Variants in CNBD1 observed in about 807,000 individuals in gnomAD.
The protein encoded by CNBD1 is cyclic nucleotide-binding domain-containing protein 1.
In CNBD1, 71 loss-of-function variants were observed where a neutral mutation model predicts 54.4. That is an observed-to-expected ratio of 1.30 (90% CI 1.08 to 1.59). CNBD1 has a LOEUF of 1.59. Among genes scored for constraint, CNBD1 ranks in the 40% most tolerant of loss-of-function variants. The pLI is 0.00. For missense variants in CNBD1, 659 were observed against 518.0 expected (o/e 1.27, Z -2.64); for synonymous variants, 182 against 170.7 (o/e 1.07, Z -0.51).
intron 4 of CNBD1, among the ~76,000 whole-genome samples, chr8:87,073,512 T>C (rs1353718204): frequency 6.6e-6 from 1 of 152,164 alleles, no homozygotes; most frequent in African/African-American, 2.4e-5. Flanking sequence ...TGTTGTGTTG[T>C]TGTTGTTTTC....
In CNBD1 at chr8:87,112,378, C is replaced by T. The variant is rs145640625; in HGVS notation, c.432-93615C>T. Among the ~76,000 whole-genome samples, 192 of 152,252 alleles carry T rather than the reference C, an allele frequency of 1.3e-3. No individual in the cohort carries two copies. In the Middle Eastern group the frequency reaches 0.031, roughly 24 times the overall value. ...TGTGAGCATTGTCTAAGCTGTGAAT[C>T]CTGCCTTCTCTAATGTTCTGTAACT... On this transcript the variant is annotated intron_variant, in intron 4 of 10. Coordinates refer to ENST00000518476, the MANE Select transcript of CNBD1 (RefSeq NM_173538.3).
intron 8 of CNBD1, among the ~76,000 whole-genome samples, chr8:87,291,595 G>A (rs1007707481): frequency 3.3e-5 from 5 of 151,930 alleles, no homozygotes; most frequent in Admixed American, 1.3e-4. Context: ...TTTGGTCCGC[G>A]GTCTAAAGTT....
intron 4 of CNBD1, among the ~76,000 whole-genome samples, chr8:87,030,845 CCTCT>C (rs1333181956): frequency 1.8e-5 from 2 of 110,298 alleles, no homozygotes; most frequent in African/African-American, 7.8e-5. Flanking sequence ...TCCCCCCTCC[CCTCT>C]CCTCCCTCTC....
At chr8:87,316,640 A>G (rs981626852) in intron 8 of CNBD1, among the ~76,000 whole-genome samples, 1 of 151,944 alleles carries the variant, frequency 6.6e-6, no homozygotes, top group Non-Finnish European at 1.5e-5. Context: ...TGCAATAGGA[A>G]ACAAGTGGCC....
chr8:87,043,384 T>C (rs1224418308), intron 4 of CNBD1, among the ~76,000 whole-genome samples: 1 of 152,224 alleles, frequency 6.6e-6, no homozygotes, highest in African/African-American at 2.4e-5. Context: ...TTATTCACAA[T>C]AATTTTGGTT....
At chr8:87,005,439 T>C (rs571605908) in intron 4 of CNBD1, among the ~76,000 whole-genome samples, 2 of 152,214 alleles carry the variant, frequency 1.3e-5, no homozygotes, top group East Asian at 3.9e-4. Context: ...TGAAATAATT[T>C]AACTTAATAT....
At chr8:87,412,581 G>A (rs1807765574) in intron 2 of CNBD1, among the ~76,000 whole-genome samples, 1 of 151,982 alleles carries the variant, frequency 6.6e-6, no homozygotes, top group Admixed American at 6.6e-5. Context: ...AGAGAAATAG[G>A]AACTTCACTA....
At chr8:86,979,895 A>G (rs999948270) in intron 4 of CNBD1, among the ~76,000 whole-genome samples, 2 of 152,196 alleles carry the variant, frequency 1.3e-5, no homozygotes, top group Non-Finnish European at 2.9e-5. Context: ...GATCCTTTCA[A>G]TGTTGTTGAA....
chr8:86,981,178 C>T lies in CNBD1; in HGVS notation c.431+41424C>T, dbSNP rs142309601. On this transcript the variant is annotated intron_variant, in intron 4 of 10. Transcript: ENST00000518476. ...CTTTGTGTGTGTGTGTGTCTGTGTG[C>T]GTGCGCGCGCGCATTGTGTACTCAC... 6.1e-3 allele frequency among the ~76,000 whole-genome samples: 930 copies of T among 152,262 alleles called. 15 individuals are homozygous for T. Among genetic ancestry groups the T allele is most frequent in the African/African-American group, 0.021 (884 of 41,540 alleles).
chr8:87,222,789 A>G (rs969593756), intron 5 of CNBD1, among the ~76,000 whole-genome samples: 10 of 152,116 alleles, frequency 6.6e-5, no homozygotes, highest in Non-Finnish European at 1.5e-4. Flanking sequence ...TCTAACTAGT[A>G]TTTTTAATTC....
intron 1 of CNBD1, among the ~76,000 whole-genome samples, chr8:86,879,740 C>T (rs146530580): frequency 3.3e-5 from 5 of 152,020 alleles, no homozygotes; most frequent in African/African-American, 7.2e-5. Flanking sequence ...GACATGGTGG[C>T]GGGCGCCTGT....
At chr8:87,328,607 C>G (rs1809744397) in intron 8 of CNBD1, among the ~76,000 whole-genome samples, 1 of 151,816 alleles carries the variant, frequency 6.6e-6, no homozygotes, top group Non-Finnish European at 1.5e-5. Context: ...GATTCCATAT[C>G]AATTTTAGGA....
chr8:87,334,914 G>A (rs1032498649), intron 8 of CNBD1, among the ~76,000 whole-genome samples: 2 of 151,504 alleles, frequency 1.3e-5, no homozygotes, highest in South Asian at 2.1e-4. Flanking sequence ...TAGTAGAGAC[G>A]GGGTTTCCAC....
In CNBD1 at chr8:87,362,712, C is replaced by T. The variant is rs1366294189; in HGVS notation, c.1303+8926C>T. ...ACTCAGAAAAGACCAGGCAGCCATT[C>T]GAACCCTCTGTGAGTCCACGCTTAA... On this transcript the variant is annotated intron_variant, in intron 10 of 10. Transcript: ENST00000518476. Among the ~76,000 whole-genome samples, 6 of 152,132 alleles carry T rather than the reference C, an allele frequency of 3.9e-5. No individual in the cohort carries two copies. The East Asian group carries it at 7.8e-4, about 20-fold the overall frequency.
chr8:87,225,140 T>G (rs1405683079), intron 5 of CNBD1, among the ~76,000 whole-genome samples: 5 of 150,396 alleles, frequency 3.3e-5, no homozygotes, highest in South Asian at 2.1e-4. Context: ...AAGGAGATTT[T>G]GGGCTGAGAC....
At chr8:87,275,532 C>G (rs1040705826) in intron 6 of CNBD1, among the ~76,000 whole-genome samples, 8 of 151,598 alleles carry the variant, frequency 5.3e-5, no homozygotes, top group Non-Finnish European at 7.4e-5. Context: ...ACACTTCATG[C>G]TAAAAACTCT....
At chr8:87,264,247 G>A (rs1476428918) in intron 6 of CNBD1, among the ~76,000 whole-genome samples, 1 of 151,990 alleles carries the variant, frequency 6.6e-6, no homozygotes, top group African/African-American at 2.4e-5. Flanking sequence ...AACATGTGGT[G>A]TTTGGTTTTT....
chr8:87,215,304 T>C (rs1257330335), intron 5 of CNBD1, among the ~76,000 whole-genome samples: 1 of 152,130 alleles, frequency 6.6e-6, no homozygotes, highest in Non-Finnish European at 1.5e-5. Flanking sequence ...AGTAACATAG[T>C]GGTTGCCACC....
chr8:86,973,723 C>T (rs1013228435), intron 4 of CNBD1, among the ~76,000 whole-genome samples: 1 of 152,118 alleles, frequency 6.6e-6, no homozygotes, highest in Admixed American at 6.6e-5. Flanking sequence ...AGGTGGAATT[C>T]CACAGAGCTT....
Sources: allele counts gnomAD v4.1 joint callset (sites outside exome capture counted in the v4.1 genomes callset), GRCh38; gene constraint gnomAD v4.1.1; transcripts MANE v1.5; gene names NCBI Gene and HGNC (gene_info 2026-07-23, HGNC 2026-07-21).